RAB3GAP2: variants seen among roughly 807,000 people sequenced by gnomAD.
The protein encoded by RAB3GAP2 is RAB3 GTPase activating non-catalytic protein subunit 2, also known as rab3 GTPase-activating protein non-catalytic subunit.
RAB3GAP2 carries 87 observed loss-of-function variants against 185.3 expected under a neutral mutation model. The observed-to-expected ratio is 0.47, with a 90% CI of 0.39 to 0.56. The LOEUF (loss-of-function observed/expected upper bound fraction) is 0.56, where lower values mean the gene tolerates loss of function less well. Among genes scored for constraint, RAB3GAP2 ranks in the 20% least tolerant of loss-of-function variants. RAB3GAP2 has a pLI of 0.00. For synonymous variants in RAB3GAP2, 554 were observed against 576.1 expected, an observed-to-expected ratio of 0.96 and a Z score of 0.55; for missense variants, 1,492 against 1,638.2, an observed-to-expected ratio of 0.91 and a Z score of 1.54.
At chr1:220,219,106 A>T (rs1053783729) in intron 2 of RAB3GAP2, among the ~76,000 whole-genome samples, 4 of 152,206 alleles carry the variant, frequency 2.6e-5, no homozygotes, top group Non-Finnish European at 4.4e-5. Flanking sequence ...AAACTGCTGG[A>T]GGTGTGGATG....
intron 1 of RAB3GAP2, among the ~76,000 whole-genome samples, chr1:220,236,111 A>T (rs1418878255): frequency 6.6e-6 from 1 of 152,224 alleles, no homozygotes; most frequent in Non-Finnish European, 1.5e-5. Context: ...ATTCCAAATT[A>T]TAGTCACCTT....
At chr1:220,166,706 TG>T (rs571279988) in intron 26 of RAB3GAP2, among the ~76,000 whole-genome samples, 59 of 152,330 alleles carry the variant, frequency 3.9e-4, no homozygotes, top group African/African-American at 1.4e-3. Context: ...AGCAGAGAGC[TG>T]AGAGGGCAGC....
Position 220,217,698 on chromosome 1 carries a change from T to C in RAB3GAP2, c.181-3719A>G, listed in dbSNP as rs1026318766. ...TCCCTATCTCTTAAATAATATATTA[T>C]CTATTCTTACACCTGAAACTGTATA... On this transcript the variant is annotated intron_variant, in intron 2 of 34. Coordinates refer to ENST00000358951, the MANE Select transcript of RAB3GAP2 (RefSeq NM_012414.4). Among the ~76,000 whole-genome samples the C allele has an allele frequency of 3.3e-5, 5 of 152,340 alleles. 1 individual carries two copies. The highest frequency in any genetic ancestry group is 7.3e-5 in the Non-Finnish European group (5 of 68,028).
intron 8 of RAB3GAP2, among the ~76,000 whole-genome samples, chr1:220,204,101 A>G (rs1021298367): frequency 6.6e-6 from 1 of 152,178 alleles, no homozygotes; most frequent in African/African-American, 2.4e-5. Flanking sequence ...TCCTGAAAAC[A>G]TAGGCTAATT....
At chr1:220,185,890 A>C in intron 17 of RAB3GAP2, 149 bp from the exon 18 acceptor site, 8 of 634,178 alleles carry the variant, frequency 1.3e-5, no homozygotes, top group Non-Finnish European at 1.7e-5. Flanking sequence ...ATTAAATCTC[A>C]AGTTGCGTTG....
intron 2 of RAB3GAP2, among the ~76,000 whole-genome samples, chr1:220,214,201 T>A (rs544315084): frequency 1.3e-5 from 2 of 152,178 alleles, no homozygotes; most frequent in East Asian, 1.9e-4. Context: ...ATGCAAAAAA[T>A]TTAAATATAA....
At chr1:220,163,173 A>C (rs1026587859) in intron 27 of RAB3GAP2, among the ~76,000 whole-genome samples, 1 of 152,040 alleles carries the variant, frequency 6.6e-6, no homozygotes, top group African/African-American at 2.4e-5. Flanking sequence ...TAAATTTCTG[A>C]AACAGTTGTC....
Position 220,148,951 on chromosome 1 carries a change from A to AAGT in RAB3GAP2, c.*2297_*2299dup, listed in dbSNP as rs892257978. On this transcript the variant is annotated 3_prime_UTR_variant, in exon 35 of 35. Transcript: ENST00000358951. ...CATATTTAATGTTTGTTAATGAAGAAAGTTGTGTGAGGGTGGGCATATATC... is the reference window on the plus strand; with the variant it reads ...CATATTTAATGTTTGTTAATGAAGAAAGTAGTTGTGTGAGGGTGGGCATATATC... 3 of 152,184 alleles carry AAGT rather than the reference A, an allele frequency of 2.0e-5. No individual in the cohort carries two copies. Among genetic ancestry groups the AAGT allele is most frequent in the African/African-American group, 4.8e-5 (2 of 41,438 alleles). 9.4% of individuals were successfully genotyped at this position (152,184 alleles called of 1,614,324 possible).
In RAB3GAP2 at chr1:220,180,848, T is replaced by C. The variant is rs146248138; in HGVS notation, c.2310+1409A>G. Among the ~76,000 whole-genome samples, 83 of 152,208 alleles carry C rather than the reference T, an allele frequency of 5.5e-4. 1 individual carries two copies. The highest frequency in any genetic ancestry group is 4.8e-3 in the South Asian group (23 of 4,820). On this transcript the variant is annotated intron_variant, in intron 21 of 34. Transcript: ENST00000358951. ...CAAATCCTGGCCAAAATATAACATG[T>C]AAATGGGGGTGTGTGAAAGAGTATG... is the stretch of plus-strand genomic sequence containing the variant.
chr1:220,166,117 G>A (rs1658056545), intron 26 of RAB3GAP2, among the ~76,000 whole-genome samples: 1 of 152,072 alleles, frequency 6.6e-6, no homozygotes, highest in Non-Finnish European at 1.5e-5. Context: ...AACTGAAGAG[G>A]GTGATTTGAA....
chr1:220,191,125 A>C lies in RAB3GAP2; in HGVS notation c.1430T>G (p.Val477Gly). Reference protein sequence around the residue: ...IYAPRRGILEVWSTQQGPRVG... With the variant: ...IYAPRRGILEGWSTQQGPRVG... ...TCTAGGTCCCTGCTGTGTGCTCCAC[A>C]CTTCTAAAATTCCCCTTCTTGGCGC... The change falls in exon 14 of 35, where the codon GTG becomes GGG. Residue 477 changes from valine (V) to glycine (G), a missense_variant. By Grantham distance (109) the Val-to-Gly change is moderately radical. Transcript: ENST00000358951. 6.2e-7 allele frequency: 1 copy of C among 1,613,954 alleles called. No individual in the cohort carries two copies. Among genetic ancestry groups the C allele is most frequent in the Non-Finnish European group, 8.5e-7 (1 of 1,179,954 alleles).
chr1:220,187,237 TAGGA>T (rs1329033624), intron 17 of RAB3GAP2, among the ~76,000 whole-genome samples: 1 of 152,194 alleles, frequency 6.6e-6, no homozygotes, highest in Admixed American at 6.5e-5. Context: ...ATGGGGGTGC[TAGGA>T]GTTTCTTTTG....
Position 220,164,804 on chromosome 1 carries a change from C to A in RAB3GAP2, c.3088-5G>T, listed in dbSNP as rs745393216. On this transcript the variant is annotated splice_region_variant and splice_polypyrimidine_tract_variant and intron_variant, in intron 26 of 34. Coordinates refer to ENST00000358951, the MANE Select transcript of RAB3GAP2 (RefSeq NM_012414.4). ...CCTAACAAAAAAACGTGCTTCCTTA[C>A]ATACAGGGAGAAAAAAACGAGAAAG... The A allele has an allele frequency of 6.2e-7, 1 of 1,605,822 alleles. No individual in the cohort carries two copies. The highest frequency in any genetic ancestry group is 8.5e-7 in the Non-Finnish European group (1 of 1,174,898).
intron 2 of RAB3GAP2, among the ~76,000 whole-genome samples, chr1:220,229,626 CCTAA>C (rs1659462000): frequency 1.3e-5 from 2 of 152,142 alleles, no homozygotes; most frequent in African/African-American, 2.4e-5. Flanking sequence ...CACACAAATG[CCTAA>C]CTATGTCATT....
intron 23 of RAB3GAP2, 50 bp from the exon 24 acceptor site, chr1:220,171,170 T>C (rs2102858987): frequency 3.3e-6 from 5 of 1,516,986 alleles, no homozygotes; most frequent in Admixed American, 1.7e-5. Context: ...TGAATCAATA[T>C]TAACTTGAAT....
chr1:220,168,372 G>A (rs1221018274), intron 24 of RAB3GAP2, among the ~76,000 whole-genome samples: 2 of 151,438 alleles, frequency 1.3e-5, no homozygotes, highest in South Asian at 2.1e-4. Context: ...GATTACAGGT[G>A]TGAGCCACTG....
intron 21 of RAB3GAP2, among the ~76,000 whole-genome samples, chr1:220,180,142 C>A (rs1173327288): frequency 1.3e-5 from 2 of 151,880 alleles, no homozygotes; most frequent in East Asian, 1.9e-4. Context: ...AGCCTGGTGA[C>A]AGAGTGAGAC....
chr1:220,229,278 A>G (rs1332516290), intron 2 of RAB3GAP2, among the ~76,000 whole-genome samples: 4 of 152,210 alleles, frequency 2.6e-5, no homozygotes, highest in African/African-American at 9.6e-5. Flanking sequence ...GCTAATTAAG[A>G]AAAAAATACA....
intron 1 of RAB3GAP2, among the ~76,000 whole-genome samples, chr1:220,270,685 C>T (rs1361628774): frequency 6.6e-6 from 1 of 152,320 alleles, no homozygotes; most frequent in East Asian, 1.9e-4. Flanking sequence ...CACATAATTT[C>T]TTGCTTGGAT....
Sources: allele counts gnomAD v4.1 joint callset (sites outside exome capture counted in the v4.1 genomes callset), GRCh38; gene constraint gnomAD v4.1.1; transcripts MANE v1.5; gene names NCBI Gene and HGNC (gene_info 2026-07-23, HGNC 2026-07-21).